The following ELOVL7 variants were observed in gnomAD, a reference collection of about 807,000 sequenced individuals.
ELOVL7 encodes ELOVL fatty acid elongase 7.
ELOVL7 carries 27 observed loss-of-function variants against 35.7 expected under a neutral mutation model. That is an observed-to-expected ratio of 0.76 (90% CI 0.56 to 1.04). ELOVL7 has a LOEUF of 1.04. Among genes scored for constraint, ELOVL7 ranks in the 50% least tolerant of loss-of-function variants. ELOVL7 has a pLI of 0.00. For synonymous variants in ELOVL7, 113 were observed against 114.6 expected (o/e 0.99, Z 0.09); for missense variants, 327 against 340.8 (o/e 0.96, Z 0.32).
At chr5:60,840,001 G>C (rs373306619) in intron 1 of ELOVL7, among the ~76,000 whole-genome samples, 37 of 152,196 alleles carry the variant, frequency 2.4e-4, no homozygotes, top group African/African-American at 8.7e-4. Context: ...CCCTGTCTCG[G>C]GGGGAGAAAA....
chr5:60,790,463 G>A (rs1473087932), intron 2 of ELOVL7, among the ~76,000 whole-genome samples: 3 of 152,004 alleles, frequency 2.0e-5, no homozygotes, highest in East Asian at 3.9e-4. Context: ...ACCCAAAATA[G>A]AAATTTTGTC....
intron 2 of ELOVL7, among the ~76,000 whole-genome samples, chr5:60,798,390 G>T (rs1744392303): frequency 6.6e-6 from 1 of 152,128 alleles, no homozygotes; most frequent in African/African-American, 2.4e-5. Flanking sequence ...TGTAGACAGA[G>T]AACATGGAGG....
At chr5:60,793,952 G>A (rs149022400) in intron 2 of ELOVL7, among the ~76,000 whole-genome samples, 1,760 of 152,252 alleles carry the variant, frequency 0.012, 17 homozygotes, top group South Asian at 0.042. Flanking sequence ...AGATTATAAG[G>A]CAGTAGAAAA....
chr5:60,772,041 G>A lies in ELOVL7; in HGVS notation c.117C>T (p.Ile39=). The A allele has an allele frequency of 6.2e-7, 1 of 1,613,508 alleles. No individual in the cohort carries two copies. Among genetic ancestry groups the A allele is most frequent in the African/African-American group, 1.3e-5 (1 of 75,022 alleles). The change falls in exon 4 of 9, where the codon ATC becomes ATT. Residue 39 remains isoleucine (I), a synonymous_variant. Transcript: ENST00000508821. ...LLMSSPLPQT[I]LLGFYVYFVT... is the part of the protein sequence containing the mutation. ...CAAAATAGACATAGAATCCTAGGAGGATGGTTTGTGGCAGAGGCGAGGACA... is the reference window on the plus strand; with the variant it reads ...CAAAATAGACATAGAATCCTAGGAGAATGGTTTGTGGCAGAGGCGAGGACA...
intron 2 of ELOVL7, among the ~76,000 whole-genome samples, chr5:60,794,640 G>A (rs914600871): frequency 6.6e-6 from 1 of 152,204 alleles, no homozygotes; most frequent in Non-Finnish European, 1.5e-5. Flanking sequence ...GAAAGGAGTG[G>A]TAGAACCAGC....
At chr5:60,757,466 C>G in intron 8 of ELOVL7, 43 bp downstream of exon 8, 16 of 1,596,370 alleles carry the variant, frequency 1.0e-5, no homozygotes, top group Non-Finnish European at 1.3e-5. Context: ...ACAAGTGACT[C>G]TAGCTGCTTC....
chr5:60,842,782 C>A (rs767619264), intron 1 of ELOVL7, among the ~76,000 whole-genome samples: 2 of 152,144 alleles, frequency 1.3e-5, no homozygotes, highest in Admixed American at 6.5e-5. Flanking sequence ...GCCTCAGTTA[C>A]CTCATCATTA....
intron 2 of ELOVL7, among the ~76,000 whole-genome samples, chr5:60,796,814 C>T (rs2112270646): frequency 6.6e-6 from 1 of 152,184 alleles, no homozygotes; most frequent in Middle Eastern, 3.4e-3. Context: ...GGTTTAGAGG[C>T]AAATGGATCA....
At chr5:60,792,198 T>C (rs954673144) in intron 2 of ELOVL7, among the ~76,000 whole-genome samples, 1 of 152,114 alleles carries the variant, frequency 6.6e-6, no homozygotes, top group Non-Finnish European at 1.5e-5. Flanking sequence ...CATAGCTTTT[T>C]GGAGTGTGGA....
intron 1 of ELOVL7, among the ~76,000 whole-genome samples, chr5:60,830,375 C>T (rs1005513146): frequency 6.6e-6 from 1 of 152,062 alleles, no homozygotes; most frequent in Non-Finnish European, 1.5e-5. Flanking sequence ...GTAACTGGGG[C>T]AGAGGGCTGC....
At chr5:60,755,618 C>T (rs936528497) in intron 8 of ELOVL7, among the ~76,000 whole-genome samples, 3 of 152,072 alleles carry the variant, frequency 2.0e-5, no homozygotes, top group African/African-American at 7.2e-5. Context: ...GATCGTGCCA[C>T]TGCACTCTAG....
intron 3 of ELOVL7, among the ~76,000 whole-genome samples, chr5:60,773,524 C>T (rs927523532): frequency 2.6e-5 from 4 of 151,854 alleles, no homozygotes; most frequent in African/African-American, 9.7e-5. Context: ...TTCAAATAAG[C>T]CTCCCTCAAA....
chr5:60,757,110 T>C (rs934831536), intron 8 of ELOVL7, among the ~76,000 whole-genome samples: 1 of 152,094 alleles, frequency 6.6e-6, no homozygotes, highest in Non-Finnish European at 1.5e-5. Context: ...ATGTTGGGAC[T>C]ATATAGGTAA....
Position 60,754,213 on chromosome 5 carries a change from T to C in ELOVL7, c.*411A>G, listed in dbSNP as rs1038707573. 6 of 175,470 alleles carry C rather than the reference T, an allele frequency of 3.4e-5. No individual in the cohort carries two copies. Among genetic ancestry groups the C allele is most frequent in the Non-Finnish European group, 7.4e-5 (6 of 81,610 alleles). 10.9% of individuals were successfully genotyped at this position (175,470 alleles called of 1,614,324 possible). ...AGGGCCTACAGGTGGTTTCCAGACTTTCCAGACCCAGCAGAAGGAATCTAT... is the reference window on the plus strand; with the variant it reads ...AGGGCCTACAGGTGGTTTCCAGACTCTCCAGACCCAGCAGAAGGAATCTAT... On this transcript the variant is annotated 3_prime_UTR_variant, in exon 9 of 9. Coordinates refer to ENST00000508821, the MANE Select transcript of ELOVL7 (RefSeq NM_024930.3).
At chr5:60,843,882 G>A (rs1161624987) in intron 1 of ELOVL7, among the ~76,000 whole-genome samples, 1 of 152,064 alleles carries the variant, frequency 6.6e-6, no homozygotes, top group Admixed American at 6.5e-5. Flanking sequence ...GCAGGTGAGC[G>A]CCGCGGCCCC....
At chr5:60,771,228 C>G (rs984612232) in intron 4 of ELOVL7, among the ~76,000 whole-genome samples, 5 of 152,096 alleles carry the variant, frequency 3.3e-5, no homozygotes, top group Admixed American at 1.3e-4. Flanking sequence ...AAAGAACATA[C>G]ATGGGGGTGG....
chr5:60,820,953 T>C (rs951046915), intron 1 of ELOVL7, among the ~76,000 whole-genome samples: 3 of 152,222 alleles, frequency 2.0e-5, no homozygotes, highest in Non-Finnish European at 4.4e-5. Context: ...TGTTCTCTTG[T>C]CTGCCTAGTG....
Position 60,780,758 on chromosome 5 carries a change from C to T in ELOVL7, c.64+6576G>A, listed in dbSNP as rs111813114. 6.5e-4 allele frequency among the ~76,000 whole-genome samples: 99 copies of T among 152,318 alleles called. 1 individual carries two copies. Among genetic ancestry groups the T allele is most frequent in the African/African-American group, 2.3e-3 (97 of 41,578 alleles). On this transcript the variant is annotated intron_variant, in intron 3 of 8. Coordinates refer to ENST00000508821, the MANE Select transcript of ELOVL7 (RefSeq NM_024930.3). ...AAAAAACCATCAGATCTTGTGAAAA[C>T]TCACAATCGTGAGAAGAGCATGGGG...
intron 1 of ELOVL7, among the ~76,000 whole-genome samples, chr5:60,805,493 T>C (rs540390756): frequency 2.1e-4 from 32 of 152,292 alleles, no homozygotes; most frequent in African/African-American, 7.0e-4. Context: ...TGAGGAGTCA[T>C]TACAGGTTTC....
Sources: allele counts gnomAD v4.1 joint callset (sites outside exome capture counted in the v4.1 genomes callset), GRCh38; gene constraint gnomAD v4.1.1; transcripts MANE v1.5; gene names NCBI Gene and HGNC (gene_info 2026-07-23, HGNC 2026-07-21).